SIN3A: variants seen among roughly 807,000 people sequenced by gnomAD.
SIN3A encodes the protein SIN3 transcription regulator family member A.
Under a neutral mutation model 146.1 loss-of-function variants are expected in SIN3A, and 14 were observed. That is an observed-to-expected ratio of 0.10 (90% CI 0.06 to 0.15). The LOEUF is 0.15. Among genes scored for constraint, SIN3A ranks in the 10% least tolerant of loss-of-function variants. The probability of loss-of-function intolerance (pLI) is 1.00; values close to 1 mark genes in which losing one functional copy is unlikely to be tolerated. For missense variants in SIN3A, 1,028 were observed against 1,576.0 expected, an observed-to-expected ratio of 0.65 and a Z score of 5.89; for synonymous variants, 572 against 572.0, an observed-to-expected ratio of 1.00 and a Z score of 0.00.
At chr15:75,392,170 G>A in intron 15 of SIN3A, 72 bp downstream of exon 15, 2 of 1,335,538 alleles carry the variant, frequency 1.5e-6, no homozygotes, top group Non-Finnish European at 2.1e-6. Context: ...AAAAGAAGCA[G>A]TCCCAAGTCT....
intron 1 of SIN3A, among the ~76,000 whole-genome samples, chr15:75,448,801 G>A (rs905028062): frequency 2.0e-5 from 3 of 152,032 alleles, no homozygotes; most frequent in African/African-American, 7.2e-5. Context: ...TGTCTTGTCT[G>A]CTCCCACTGA....
rs79904627 is a variant in SIN3A, at chr15:75,375,086, G to A, written c.3591+579C>T. On this transcript the variant is annotated intron_variant, in intron 20 of 20. Coordinates refer to ENST00000394947, the MANE Select transcript of SIN3A (RefSeq NM_001145358.2). ...GTAAATTCACCAAAAAGGTGCCACC[G>A]GGTATTTACGTGCTCTTACAGGCTG... Among the ~76,000 whole-genome samples the A allele has an allele frequency of 8.4e-3, 1,273 of 152,214 alleles. 34 individuals carry two copies. In the East Asian group the frequency reaches 0.1, roughly 12 times the overall value.
In SIN3A at chr15:75,434,193, C is replaced by T. The variant is rs78656419; in HGVS notation, c.-33-3785G>A. On this transcript the variant is annotated intron_variant, in intron 1 of 20. Transcript: ENST00000394947. ...GTTCAGCTTTTTTTAACCTTTCACA[C>T]ACTTAGCTAACTCATCCTTCTTCAG... 8.5e-3 allele frequency among the ~76,000 whole-genome samples: 1,294 copies of T among 152,302 alleles called. 36 individuals carry two copies. The East Asian group carries it at 0.11, about 12-fold the overall frequency.
In SIN3A at chr15:75,412,847, G is replaced by C. The variant is rs374573196; in HGVS notation, c.672C>G (p.Pro224=). The change falls in exon 5 of 21, where the codon CCC becomes CCG. Residue 224 remains proline, a synonymous_variant. Transcript: ENST00000394947. Reference sequence around the variant, plus strand: ...GGGCTGAAGGCTGGGAAGGATGTTGGGGTGGTGGTTGAGGCTGTGGCTGGA... The same window carrying C: ...GGGCTGAAGGCTGGGAAGGATGTTGCGGTGGTGGTTGAGGCTGTGGCTGGA... ...HGIQPQPQPP[P]QHPSQPSAQS... is the part of the protein sequence containing the mutation. The C allele has an allele frequency of 1.2e-6, 2 of 1,613,242 alleles. No individual in the cohort carries two copies. The highest frequency in any genetic ancestry group is 2.2e-5 in the East Asian group (1 of 44,796).
chr15:75,424,144 A>G (rs577360059), intron 2 of SIN3A, among the ~76,000 whole-genome samples: 1 of 152,164 alleles, frequency 6.6e-6, no homozygotes. Context: ...TAAAAAATAC[A>G]TAAACCCGCC....
At chr15:75,416,042 T>G in intron 3 of SIN3A, 1 of 305,712 alleles carries the variant, frequency 3.3e-6, no homozygotes, top group South Asian at 3.8e-5. Context: ...TTTTGGTAAC[T>G]GTGTACTTCT....
Position 75,392,458 on chromosome 15 carries a change from T to C in SIN3A, c.2635A>G (p.Met879Val). The C allele has an allele frequency of 6.2e-7, 1 of 1,614,118 alleles. No individual in the cohort carries two copies. The highest frequency in any genetic ancestry group is 8.5e-7 in the Non-Finnish European group (1 of 1,179,962). The change falls in exon 15 of 21, where the codon ATG (methionine) becomes GTG (valine). Residue 879 changes from methionine to valine, a missense_variant. Around this residue, in one of 9 missense-constraint regions of SIN3A, gnomAD observed 488 missense variants for 690.2 expected, o/e 0.71. Coordinates refer to ENST00000394947, the MANE Select transcript of SIN3A (RefSeq NM_001145358.2). ...SNTAAQKLRG[M>V]DEVYNLFYVN... Reference sequence around the variant, plus strand: ...TAGAAGAGGTTGTATACTTCATCCATTCCTCTTAATTTTTGAGCTGCTGTG... The same window carrying C: ...TAGAAGAGGTTGTATACTTCATCCACTCCTCTTAATTTTTGAGCTGCTGTG...
intron 17 of SIN3A, among the ~76,000 whole-genome samples, chr15:75,383,176 G>A (rs756681612): frequency 2.0e-4 from 30 of 151,644 alleles, no homozygotes; most frequent in East Asian, 7.8e-4. Context: ...GGTGGCTGAC[G>A]TGTGAGAATC....
intron 1 of SIN3A, among the ~76,000 whole-genome samples, chr15:75,451,006 G>A (rs924470113): frequency 1.3e-5 from 2 of 151,462 alleles, no homozygotes; most frequent in South Asian, 2.1e-4. Flanking sequence ...GAATCTACAC[G>A]CGGGAGACCC....
chr15:75,402,835 G>A lies in SIN3A; in HGVS notation c.1408-865C>T, dbSNP rs576900812. On this transcript the variant is annotated intron_variant, in intron 9 of 20. Coordinates refer to ENST00000394947, the MANE Select transcript of SIN3A (RefSeq NM_001145358.2). ...TTTTTAGTAGAGACGAGGTTTCACC[G>A]TATTGGCTAGGCTAGTCTCAAACTC... Among the ~76,000 whole-genome samples the A allele has an allele frequency of 4.6e-5, 7 of 152,036 alleles. No homozygotes were observed. In the South Asian group the frequency reaches 6.2e-4, roughly 14 times the overall value.
In SIN3A at chr15:75,422,784, C is replaced by T. The variant is rs2073860905; in HGVS notation, c.229G>A (p.Ala77Thr). 6 of 1,614,004 alleles carry T rather than the reference C, an allele frequency of 3.7e-6. No homozygotes were observed. Among genetic ancestry groups the T allele is most frequent in the Admixed American group, 1.7e-5 (1 of 59,986 alleles). ...MPQSSGSHGP[A>T]IAAVHSSHHH... is the part of the protein sequence containing the mutation. Reference sequence around the variant, plus strand: ...TGGCTGCTATGAACTGCTGCTATAGCGGGCCCATGACTGCCGGAGCTCTGT... The same window carrying T: ...TGGCTGCTATGAACTGCTGCTATAGTGGGCCCATGACTGCCGGAGCTCTGT... Residue 77 changes from alanine to threonine, a missense_variant, in exon 3 of 21, where the codon GCT (alanine) becomes ACT (threonine). Coordinates refer to ENST00000394947, the MANE Select transcript of SIN3A (RefSeq NM_001145358.2).
intron 4 of SIN3A, 49 bp downstream of exon 4, chr15:75,414,156 A>G: frequency 1.0e-6 from 1 of 977,176 alleles, no homozygotes; most frequent in Non-Finnish European, 1.5e-6. Context: ...CTTCCTTCCA[A>G]AATCAATATG....
At chr15:75,411,390 T>C in intron 6 of SIN3A, 102 bp downstream of exon 6, 1 of 1,243,752 alleles carries the variant, frequency 8.0e-7, no homozygotes, top group Non-Finnish European at 1.1e-6. Flanking sequence ...AACTGGTTAA[T>C]TTCCAGTATG....
intron 19 of SIN3A, 139 bp downstream of exon 19, chr15:75,380,490 T>G (rs1423232377): frequency 3.1e-6 from 2 of 650,724 alleles, no homozygotes; most frequent in African/African-American, 3.6e-5. Context: ...GACAGCCATA[T>G]AAAACCTTGA....
Position 75,392,653 on chromosome 15 carries a change from G to C in SIN3A, c.2440C>G (p.Gln814Glu). ...IQKEDKYKIK[Q>E]IMHHFIPDLL... ...TCTGGAATAAAATGATGCATGATTT[G>C]TTTTATCTTATATTTGTCCTCCTTC... The change falls in exon 15 of 21, where the codon CAA becomes GAA. Residue 814 changes from glutamine to glutamate, a missense_variant. Physicochemically the swap from Gln to Glu is conservative, Grantham distance 29. This residue lies in a region of SIN3A where 488 missense variants were observed against 690.2 expected (regional missense o/e 0.71). Transcript: ENST00000394947. 1 of 1,614,146 alleles carries C rather than the reference G, an allele frequency of 6.2e-7. No homozygotes were observed. Among genetic ancestry groups the C allele is most frequent in the Non-Finnish European group, 8.5e-7 (1 of 1,180,006 alleles).
At chr15:75,411,123 T>TC (rs1372466916) in intron 6 of SIN3A, among the ~76,000 whole-genome samples, 3 of 151,826 alleles carry the variant, frequency 2.0e-5, no homozygotes, top group African/African-American at 7.3e-5. Context: ...GGTCAGGAGT[T>TC]CGAGACCAGC....
At chr15:75,452,229 A>T (rs1005771486), upstream of SIN3A, among the ~76,000 whole-genome samples, 1 of 152,184 alleles carries the variant, frequency 6.6e-6, no homozygotes, top group African/African-American at 2.4e-5. Context: ...AGGACCCTCC[A>T]TTGGCCAGGG....
upstream of SIN3A, among the ~76,000 whole-genome samples, chr15:75,454,652 A>G (rs1006975168): frequency 2.3e-4 from 35 of 150,918 alleles, no homozygotes; most frequent in African/African-American, 8.3e-4. Context: ...TGCCCCTTTC[A>G]GGCCACCCCC....
intron 17 of SIN3A, 169 bp downstream of exon 17, chr15:75,384,095 T>C (rs1198287319): frequency 2.1e-5 from 9 of 436,906 alleles, no homozygotes; most frequent in Admixed American, 1.1e-4. Flanking sequence ...ACAAAGTAGA[T>C]TGTCCAGGAA....
Sources: allele counts gnomAD v4.1 joint callset (sites outside exome capture counted in the v4.1 genomes callset), GRCh38; gene constraint gnomAD v4.1.1; regional missense constraint gnomAD v4.1.1; transcripts MANE v1.5; gene names NCBI Gene and HGNC (gene_info 2026-07-23, HGNC 2026-07-21).